Variants in COL5A1 observed in about 807,000 individuals in gnomAD.
COL5A1 encodes the protein collagen alpha-1(V) chain.
In COL5A1, 16 loss-of-function variants were observed where a neutral mutation model predicts 263.7. The ratio of observed to expected loss-of-function variants is 0.06; its 90% CI spans 0.04 to 0.09. The LOEUF is 0.09. Ranked by LOEUF, COL5A1 falls within the 10% of genes least tolerant of loss-of-function variation. The pLI, the probability that COL5A1 is intolerant of heterozygous loss-of-function variation, is 1.00. For synonymous variants in COL5A1, 1,012 were observed against 1,004.5 expected (o/e 1.01, Z -0.14); for missense variants, 2,036 against 2,540.5 (o/e 0.80, Z 4.27).
At chr9:134,817,683 CCACA>C in intron 53 of COL5A1, 91 bp from the exon 54 acceptor site, 65 of 1,062,820 alleles carry the variant, frequency 6.1e-5, no homozygotes, top group Non-Finnish European at 7.8e-5. Context: ...CCCCTGCAGG[CCACA>C]CACACACACA....
chr9:134,843,374 CTCTCTT>C lies in COL5A1; in HGVS notation c.*1072_*1077del, dbSNP rs1481870564. The C allele has an allele frequency of 9.7e-6, 1 of 103,554 alleles. No homozygotes were observed. The highest frequency in any genetic ancestry group is 3.5e-5 in the African/African-American group (1 of 28,574). 6.4% of individuals were successfully genotyped at this position (103,554 alleles called of 1,614,324 possible). A position where few individuals can be genotyped will look rare whatever the true frequency, so the allele number is the denominator to read the frequency against. ...TATTTTTTACACTTCTCTCTTGTGG[CTCTCTT>C]GTGGTGCTATCTATCTGTTTTAAGG... is the stretch of plus-strand genomic sequence containing the variant. On this transcript the variant is annotated 3_prime_UTR_variant, in exon 66 of 66. Coordinates refer to ENST00000371817, the MANE Select transcript of COL5A1 (RefSeq NM_000093.5).
chr9:134,714,195 T>G (rs192039670), intron 4 of COL5A1, among the ~76,000 whole-genome samples: 15 of 152,192 alleles, frequency 9.9e-5, no homozygotes, highest in Non-Finnish European at 2.9e-5. Context: ...CAGGCCTTCA[T>G]GCTACAGAGG....
chr9:134,768,203 CCTGAAGGTG>C (rs1221003104), intron 24 of COL5A1, among the ~76,000 whole-genome samples, 198 bp from the exon 25 acceptor site: 2 of 152,192 alleles, frequency 1.3e-5, no homozygotes, highest in Non-Finnish European at 2.9e-5. Flanking sequence ...TACAGCAGAA[CCTGAAGGTG>C]CTGAGAACAG....
rs560434656 is a variant in COL5A1 at position 134,647,491 on chromosome 9, G to A, written c.109+5195G>A. 1.3e-5 allele frequency among the ~76,000 whole-genome samples: 2 copies of A among 152,284 alleles called. No homozygotes were observed. The highest frequency in any genetic ancestry group is 4.8e-5 in the African/African-American group (2 of 41,550). On this transcript the variant is annotated intron_variant, in intron 1 of 65. Coordinates refer to ENST00000371817, the MANE Select transcript of COL5A1 (RefSeq NM_000093.5). This position sits in a 1 kb window ranked among gnomAD's most constrained non-coding sequence, Gnocchi z 5.0. ...TATACATGTGTGTTTGAGTGTGCAC[G>A]CATGCGCATCCTTGCACATGTACCT...
chr9:134,800,749 CA>C (rs397951217), intron 37 of COL5A1, among the ~76,000 whole-genome samples: 4,885 of 81,460 alleles, frequency 0.06, 78 homozygotes, highest in African/African-American at 0.1. Context: ...CTGTCTCAAA[CA>C]AAAAAAAAAA....
At chr9:134,692,508 T>G (rs10858269) in intron 2 of COL5A1, among the ~76,000 whole-genome samples, 102,843 of 152,046 alleles carry the variant, frequency 0.68, 36,020 homozygotes, top group South Asian at 0.78. Flanking sequence ...GACCTAGAGA[T>G]CCTGGGAGGG....
Position 134,821,036 on chromosome 9 carries a change from C to T in COL5A1, c.4554+813C>T, listed in dbSNP as rs76852669. 0.043 allele frequency among the ~76,000 whole-genome samples: 6,585 copies of T among 152,162 alleles called. 464 individuals carry two copies. Among genetic ancestry groups the T allele is most frequent in the African/African-American group, 0.15 (6,200 of 41,458 alleles). ...TATGGGCCCGGGGAAGGTTGCAGGA[C>T]ATGGCTGAAGGGTGGAGCTCATTGC... On this transcript the variant is annotated intron_variant, in intron 58 of 65. Coordinates refer to ENST00000371817, the MANE Select transcript of COL5A1 (RefSeq NM_000093.5). This position sits in a 1 kb window ranked among gnomAD's most constrained non-coding sequence, Gnocchi z 4.2.
Position 134,754,404 on chromosome 9 carries a change from CCCAA to C in COL5A1, c.1827+80_1827+83del. 2 of 1,532,322 alleles carry C rather than the reference CCCAA, an allele frequency of 1.3e-6. No individual in the cohort carries two copies. Among genetic ancestry groups the C allele is most frequent in the Non-Finnish European group, 1.8e-6 (2 of 1,106,908 alleles). 94.9% of individuals were successfully genotyped at this position (1,532,322 alleles called of 1,614,324 possible). ...AGCCCAAATCTGGGGTGCGGGCACC[CCCAA>C]CAGCCAGCTGGGCCACATGAAGCCA... On this transcript the variant is annotated intron_variant, in intron 16 of 65. Coordinates refer to ENST00000371817, the MANE Select transcript of COL5A1 (RefSeq NM_000093.5). The surrounding 1 kb of genome is among the most constrained non-coding windows in gnomAD (Gnocchi z 4.3).
intron 4 of COL5A1, among the ~76,000 whole-genome samples, chr9:134,719,441 C>T (rs939249565): frequency 1.3e-5 from 2 of 152,256 alleles, no homozygotes; most frequent in African/African-American, 4.8e-5. Context: ...TGTATGCACA[C>T]ACACAGTGAC....
intron 3 of COL5A1, 140 bp from the exon 4 acceptor site, chr9:134,701,031 G>T (rs1833654322): frequency 2.4e-6 from 2 of 829,464 alleles, no homozygotes; most frequent in Non-Finnish European, 4.0e-6. Context: ...GATTCCAGAG[G>T]CTGGGCCTTG....
rs186205022 is a variant in COL5A1 at position 134,843,259 on chromosome 9, C to T, written c.*956C>T. The stretch of plus-strand genomic sequence containing the variant: ...ATTAATTTTATTTGCTTCCTTTTTC[C>T]GCTTTTCTTCCCGCAGAGCCTGATG... On this transcript the variant is annotated 3_prime_UTR_variant, in exon 66 of 66. Coordinates refer to ENST00000371817, the MANE Select transcript of COL5A1 (RefSeq NM_000093.5). 4.6e-5 allele frequency: 7 copies of T among 152,296 alleles called. No homozygotes were observed. The highest frequency in any genetic ancestry group is 2.1e-4 in the South Asian group (1 of 4,816). 9.4% of individuals were successfully genotyped at this position (152,296 alleles called of 1,614,324 possible).
intron 25 of COL5A1, among the ~76,000 whole-genome samples, chr9:134,770,688 C>T (rs551920399): frequency 2.9e-4 from 44 of 152,008 alleles, no homozygotes; most frequent in African/African-American, 9.4e-4. Context: ...GATGAACATA[C>T]GTTACTTTTT....
Position 134,696,633 on chromosome 9 carries a change from A to C in COL5A1, c.278-3276A>C, listed in dbSNP as rs1833479230. On this transcript the variant is annotated intron_variant, in intron 2 of 65. Transcript: ENST00000371817. This position sits in a 1 kb window ranked among gnomAD's most constrained non-coding sequence, Gnocchi z 4.3. ...TTAGGGGATCAGTCACTGTTTATTG[A>C]TCACGTGATCCACTGTAGTGAGCAA... Among the ~76,000 whole-genome samples the C allele has an allele frequency of 6.6e-6, 1 of 152,150 alleles. No homozygotes were observed. Among genetic ancestry groups the C allele is most frequent in the Non-Finnish European group, 1.5e-5 (1 of 68,036 alleles).
In COL5A1 at chr9:134,813,705, C is replaced by G. The variant is rs1838627919; in HGVS notation, c.3853-278C>G. 2.0e-5 allele frequency among the ~76,000 whole-genome samples: 3 copies of G among 152,266 alleles called. No individual in the cohort carries two copies. In the South Asian group the frequency reaches 6.2e-4, roughly 31 times the overall value. ...GCCACTTACCAGCTTCTCATAGTTGCCCTCCACAACCCTTGGAGCAGCGCT... is the reference window on the plus strand; with the variant it reads ...GCCACTTACCAGCTTCTCATAGTTGGCCTCCACAACCCTTGGAGCAGCGCT... On this transcript the variant is annotated intron_variant, in intron 48 of 65. Transcript: ENST00000371817.
rs1338817325 is a variant in COL5A1, at chr9:134,767,348, A to G, written c.2226A>G (p.Gly742=). ...PGPQGAIGPP[G]EKGPLGKPGL... ...CCCAGGGTGCAATTGGTCCTCCAGGAGAAAAGGTAGGTGGGCCTGGGCTGT... is the reference window on the plus strand; with the variant it reads ...CCCAGGGTGCAATTGGTCCTCCAGGGGAAAAGGTAGGTGGGCCTGGGCTGT... The change falls in exon 24 of 66, where the codon GGA becomes GGG. Residue 742 remains glycine (G), a synonymous_variant. Transcript: ENST00000371817. The G allele has an allele frequency of 3.1e-6, 5 of 1,613,840 alleles. No homozygotes were observed. Among genetic ancestry groups the G allele is most frequent in the Non-Finnish European group, 2.5e-6 (3 of 1,180,002 alleles).
intron 50 of COL5A1, among the ~76,000 whole-genome samples, chr9:134,815,204 C>T (rs764588365): frequency 2.0e-5 from 3 of 152,354 alleles, no homozygotes; most frequent in South Asian, 4.1e-4. Context: ...CGCCCTTGGC[C>T]GGCCCTGATT....
chr9:134,796,932 C>G (rs748855717), intron 36 of COL5A1, 31 bp downstream of exon 36: 4 of 1,595,734 alleles, frequency 2.5e-6, no homozygotes, highest in Admixed American at 3.3e-5. Flanking sequence ...TGGGCCAGCA[C>G]TGCCTGTCCC....
chr9:134,802,920 G>T lies in COL5A1; in HGVS notation c.3039G>T (p.Glu1013Asp). 1 of 1,612,426 alleles carries T rather than the reference G, an allele frequency of 6.2e-7. No homozygotes were observed. The highest frequency in any genetic ancestry group is 8.5e-7 in the Non-Finnish European group (1 of 1,179,720). Residue 1013 changes from glutamate (E) to aspartate (D), a missense_variant, in exon 39 of 66, where the codon GAG (glutamate) becomes GAT (aspartate). By Grantham distance (45) the Glu-to-Asp change is conservative. Coordinates refer to ENST00000371817, the MANE Select transcript of COL5A1 (RefSeq NM_000093.5). ...GPTGETGPMG[E>D]RGHPGPPGPP... ...CGGGAGAAACGGGCCCAATGGGTGA[G>T]CGTGGCCACCCTGGGCCCCCTGGAC...
At chr9:134,704,300 TTG>T (rs1423920064) in intron 4 of COL5A1, among the ~76,000 whole-genome samples, 1 of 152,146 alleles carries the variant, frequency 6.6e-6, no homozygotes, top group African/African-American at 2.4e-5. Flanking sequence ...CGCCGCAGTT[TTG>T]TGTGTGTGGG....
Sources: allele counts gnomAD v4.1 joint callset (sites outside exome capture counted in the v4.1 genomes callset), GRCh38; gene constraint gnomAD v4.1.1; non-coding constraint Gnocchi (gnomAD v3.1); transcripts MANE v1.5; gene names NCBI Gene and HGNC (gene_info 2026-07-23, HGNC 2026-07-21).